Variants in ATP6V0D2 observed in about 807,000 individuals in gnomAD.
ATP6V0D2 encodes V-type proton ATPase subunit d 2.
Under a neutral mutation model 40.0 loss-of-function variants are expected in ATP6V0D2, and 40 were observed. The observed-to-expected ratio is 1.00, with a 90% CI of 0.78 to 1.30. ATP6V0D2 has a LOEUF of 1.30. ATP6V0D2 is among the 50% of genes most tolerant of loss of function. ATP6V0D2 has a pLI of 0.00. For synonymous variants in ATP6V0D2, 179 were observed against 156.3 expected (o/e 1.15, Z -1.08); for missense variants, 470 against 423.1 (o/e 1.11, Z -0.97).
At chr8:86,144,085 A>AT (rs1341614949) in intron 5 of ATP6V0D2, among the ~76,000 whole-genome samples, 10 of 152,184 alleles carry the variant, frequency 6.6e-5, no homozygotes, top group Non-Finnish European at 1.5e-4. Context: ...AAACACCACC[A>AT]TTGGTATCTA....
At chr8:86,144,613 A>C (rs997508742) in intron 5 of ATP6V0D2, among the ~76,000 whole-genome samples, 129 of 152,288 alleles carry the variant, frequency 8.5e-4, no homozygotes, top group Middle Eastern at 3.4e-3. Context: ...AAAAGGAAAC[A>C]AAAAAGTTTT....
At chr8:86,145,195 A>AAAAGAAAGAAAGAAAGAAAG (rs796950589) in intron 5 of ATP6V0D2, among the ~76,000 whole-genome samples, 76 of 14,582 alleles carry the variant, frequency 5.2e-3, no homozygotes, top group Non-Finnish European at 5.0e-3. Flanking sequence ...AGAAAGAAAG[A>AAAAGAAAGAAAGAAAGAAAG]AAAGAAAGAA....
chr8:86,143,503 TC>T (rs1234247525), intron 5 of ATP6V0D2, among the ~76,000 whole-genome samples: 1 of 152,172 alleles, frequency 6.6e-6, no homozygotes, highest in East Asian at 1.9e-4. Context: ...TATTCATGTC[TC>T]CCCTTTTTAG....
At position 86,151,448 on chromosome 8, in the gene ATP6V0D2, A is replaced by T. The variant is rs200792933; in HGVS notation, c.817-18A>T. ...AAGAAATGAAAATGTCTTTAAAATT[A>T]ATGTCTTTGTTTTTAAGGTATACAA... is the stretch of plus-strand genomic sequence containing the variant. On this transcript the variant is annotated intron_variant, in intron 6 of 7. Transcript: ENST00000285393. The T allele has an allele frequency of 2.7e-5, 42 of 1,527,768 alleles. No individual in the cohort carries two copies. Among genetic ancestry groups the T allele is most frequent in the Middle Eastern group, 1.7e-4 (1 of 5,810 alleles). 94.6% of individuals were successfully genotyped at this position (1,527,768 alleles called of 1,614,324 possible). A position where few individuals can be genotyped will look rare whatever the true frequency, so the allele number is the denominator to read the frequency against.
At chr8:86,139,701 A>C in intron 3 of ATP6V0D2, 66 bp downstream of exon 3, 1 of 1,466,634 alleles carries the variant, frequency 6.8e-7, no homozygotes, top group Non-Finnish European at 9.1e-7. Flanking sequence ...AAAATGTACT[A>C]TTTTTTTCTT....
intron 4 of ATP6V0D2, 65 bp downstream of exon 4, chr8:86,141,594 A>G (rs1818974438): frequency 1.7e-6 from 2 of 1,195,266 alleles, no homozygotes; most frequent in Non-Finnish European, 2.3e-6. Flanking sequence ...AGAGTTCTCT[A>G]TTAAAACTTA....
chr8:86,108,698 A>G (rs1454555391), intron 1 of ATP6V0D2, among the ~76,000 whole-genome samples: 1 of 152,092 alleles, frequency 6.6e-6, no homozygotes, highest in Admixed American at 6.6e-5. Flanking sequence ...CCTCCAGAGT[A>G]GCTGGGGTTA....
chr8:86,120,100 T>TA (rs1436142654), intron 2 of ATP6V0D2, among the ~76,000 whole-genome samples: 2 of 152,134 alleles, frequency 1.3e-5, no homozygotes, highest in Admixed American at 1.3e-4. Context: ...AAATAACTTT[T>TA]AAAAAATACA....
In ATP6V0D2 at chr8:86,107,884, C is replaced by T. The variant is rs149875269; in HGVS notation, c.131-5825C>T. Among the ~76,000 whole-genome samples, 146 of 152,180 alleles carry T rather than the reference C, an allele frequency of 9.6e-4. 1 individual carries two copies. Among genetic ancestry groups the T allele is most frequent in the African/African-American group, 3.2e-3 (134 of 41,508 alleles). ...CTTTGAAGTTTCAACACCCTGAGAA[C>T]GGCAATATATTAGCAAAAATGGAGA... On this transcript the variant is annotated intron_variant, in intron 1 of 7. Coordinates refer to ENST00000285393, the MANE Select transcript of ATP6V0D2 (RefSeq NM_152565.1).
intron 1 of ATP6V0D2, among the ~76,000 whole-genome samples, chr8:86,110,079 G>T (rs1186026172): frequency 6.6e-6 from 1 of 152,070 alleles, no homozygotes; most frequent in Non-Finnish European, 1.5e-5. Context: ...TATGCAACAT[G>T]ATGTTTTATT....
intron 2 of ATP6V0D2, among the ~76,000 whole-genome samples, chr8:86,123,743 T>A (rs920586818): frequency 6.6e-6 from 1 of 152,202 alleles, no homozygotes; most frequent in Admixed American, 6.5e-5. Context: ...AAGACCATGG[T>A]AAATTAGAGG....
chr8:86,134,259 T>C (rs1485701278), intron 2 of ATP6V0D2, among the ~76,000 whole-genome samples: 3 of 151,964 alleles, frequency 2.0e-5, no homozygotes. Context: ...CATTCTAAGA[T>C]GAAGGAAAGC....
intron 1 of ATP6V0D2, among the ~76,000 whole-genome samples, chr8:86,113,037 T>C (rs1458447307): frequency 1.3e-5 from 2 of 152,048 alleles, no homozygotes; most frequent in African/African-American, 2.4e-5. Flanking sequence ...TTCCATCAAG[T>C]TGGGATGGAG....
At chr8:86,142,731 A>C in intron 4 of ATP6V0D2, 146 bp from the exon 5 acceptor site, 1 of 511,458 alleles carries the variant, frequency 2.0e-6, no homozygotes, top group Non-Finnish European at 3.4e-6. Context: ...GAAAGCTTCT[A>C]CCAAATTTAT....
rs561405881 is a variant in ATP6V0D2 at position 86,109,120 on chromosome 8, C to T, written c.131-4589C>T. Among the ~76,000 whole-genome samples, 12 of 152,168 alleles carry T rather than the reference C, an allele frequency of 7.9e-5. No individual in the cohort carries two copies. In the East Asian group the frequency reaches 1.5e-3, roughly 20 times the overall value. On this transcript the variant is annotated intron_variant, in intron 1 of 7. Transcript: ENST00000285393. ...AATTTTCCCAAGTGTGCTCTGTGGGCGGCCCATTGTTTTTTAGTGGCTTGG... is the reference window on the plus strand; with the variant it reads ...AATTTTCCCAAGTGTGCTCTGTGGGTGGCCCATTGTTTTTTAGTGGCTTGG...
intron 2 of ATP6V0D2, among the ~76,000 whole-genome samples, chr8:86,121,250 T>C (rs187230886): frequency 2.0e-5 from 3 of 152,264 alleles, no homozygotes; most frequent in African/African-American, 7.2e-5. Context: ...TTGCTGTCTG[T>C]AGACCTTAGA....
rs766037901 is a variant in ATP6V0D2 at position 86,113,810 on chromosome 8, CTA to C, written c.234_235del (p.Cys79TrpfsTer4). On this transcript the variant is annotated frameshift_variant, in exon 2 of 8. Transcript: ENST00000285393. LOFTEE classifies it high-confidence loss of function. ...AATTGACACTGAGATGAGGAAAAGA[CTA>C]TGTGGAGAATTTGAGTATTTCCGGA... Reference protein sequence around the residue: ...SKIDTEMRKRLCGEFEYFRNH... With the variant: ...SKIDTEMRKRXCGEFEYFRNH... 1.9e-6 allele frequency: 3 copies of C among 1,613,942 alleles called. No homozygotes were observed. In the African/African-American group the frequency reaches 4.0e-5, roughly 22 times the overall value.
At chr8:86,137,676 T>C (rs1391373566) in intron 2 of ATP6V0D2, among the ~76,000 whole-genome samples, 3 of 152,226 alleles carry the variant, frequency 2.0e-5, no homozygotes, top group Non-Finnish European at 4.4e-5. Context: ...TCTCAATAAA[T>C]GGCTCTATAA....
At chr8:86,126,936 G>A (rs1818753425) in intron 2 of ATP6V0D2, among the ~76,000 whole-genome samples, 1 of 152,176 alleles carries the variant, frequency 6.6e-6, no homozygotes, top group Non-Finnish European at 1.5e-5. Context: ...AAGGGCTTGG[G>A]AAATGCAAAG....
Sources: gnomAD v4.1 joint callset for allele counts (sites outside exome capture counted in the v4.1 genomes callset) on GRCh38, gnomAD v4.1.1 for gene constraint, MANE v1.5 for transcripts, NCBI Gene and HGNC (gene_info 2026-07-23, HGNC 2026-07-21) for gene names.